The following CYREN variants were observed in gnomAD, a reference collection of about 807,000 sequenced individuals.
CYREN encodes the protein cell cycle regulator of non-homologous end joining.
Under a neutral mutation model 9.7 loss-of-function variants are expected in CYREN, and 7 were observed. The ratio of observed to expected loss-of-function variants is 0.72; its 90% CI spans 0.41 to 1.36. CYREN has a LOEUF of 1.36. CYREN is among the 40% of genes most tolerant of loss of function. CYREN has a pLI of 0.01. For missense variants in CYREN, 215 were observed against 198.1 expected (o/e 1.09, Z -0.51); for synonymous variants, 76 against 77.9 (o/e 0.98, Z 0.13).
chr7:135,132,870 A>G (rs1429950354), intron 2 of CYREN, among the ~76,000 whole-genome samples: 5 of 152,202 alleles, frequency 3.3e-5, no homozygotes, highest in Non-Finnish European at 7.3e-5. Context: ...TGTTTTTATT[A>G]GCAGCGTGAG....
downstream of CYREN, among the ~76,000 whole-genome samples, chr7:135,163,516 G>A (rs995079771): frequency 2.6e-5 from 4 of 151,986 alleles, no homozygotes; most frequent in South Asian, 2.1e-4. Context: ...ATGGTGGCGG[G>A]TGCCTGTAGT....
At chr7:135,104,361 A>G (rs931081673) in intron 2 of CYREN, among the ~76,000 whole-genome samples, 2 of 152,188 alleles carry the variant, frequency 1.3e-5, no homozygotes, top group Admixed American at 6.5e-5. Flanking sequence ...ATTATTCACA[A>G]TAGCAATGAA....
At chr7:135,134,933 T>C (rs892280382) in intron 2 of CYREN, 7 of 1,551,054 alleles carry the variant, frequency 4.5e-6, no homozygotes, top group South Asian at 1.2e-5. Context: ...GGGGATGTTA[T>C]GGCAAACTCT....
chr7:135,105,313 G>A (rs375445891), intron 2 of CYREN, among the ~76,000 whole-genome samples: 266 of 136,776 alleles, frequency 1.9e-3, no homozygotes, highest in African/African-American at 6.6e-3. Flanking sequence ...CAGGTGATCC[G>A]CCTGCCTCGG....
intron 2 of CYREN, among the ~76,000 whole-genome samples, chr7:135,103,846 T>G (rs1215550256): frequency 6.6e-6 from 1 of 152,178 alleles, no homozygotes; most frequent in African/African-American, 2.4e-5. Flanking sequence ...CCATTCCTTG[T>G]GTTGTAATTT....
intron 2 of CYREN, among the ~76,000 whole-genome samples, chr7:135,155,721 C>T (rs538382672): frequency 6.6e-6 from 1 of 152,266 alleles, no homozygotes; most frequent in Non-Finnish European, 1.5e-5. Context: ...CATGGTGGCA[C>T]ATGTCTGTAT....
chr7:135,164,813 T>G (rs747593448), downstream of CYREN: 6 of 1,614,010 alleles, frequency 3.7e-6, no homozygotes, highest in South Asian at 6.6e-5. Flanking sequence ...CTGTGTCCTC[T>G]GTGCTGCTGG....
intron 2 of CYREN, among the ~76,000 whole-genome samples, chr7:135,140,257 C>T (rs779405194): frequency 6.6e-5 from 10 of 151,846 alleles, no homozygotes; most frequent in South Asian, 2.1e-4. Flanking sequence ...CTTTGTAATT[C>T]TCATTGTAGA....
At chr7:135,117,389 T>A (rs1226412443) in intron 2 of CYREN, among the ~76,000 whole-genome samples, 2 of 152,208 alleles carry the variant, frequency 1.3e-5, no homozygotes, top group Non-Finnish European at 2.9e-5. Flanking sequence ...ATGATTACAT[T>A]CAGATGTAAC....
At chr7:135,165,024 A>G (rs1830058073), downstream of CYREN, 1 of 1,541,690 alleles carries the variant, frequency 6.5e-7, no homozygotes, top group Middle Eastern at 1.8e-4. Flanking sequence ...GCAAGGGTTC[A>G]GTTCCAACCA....
At chr7:135,154,134 T>C (rs1201510544) in intron 2 of CYREN, among the ~76,000 whole-genome samples, 1 of 152,246 alleles carries the variant, frequency 6.6e-6, no homozygotes, top group Non-Finnish European at 1.5e-5. Context: ...TTGTTCATAA[T>C]AGTCCTTGAT....
chr7:135,111,305 A>T lies in CYREN; in HGVS notation n.357-16723T>A, dbSNP rs575656698. On this transcript the variant is annotated intron_variant and non_coding_transcript_variant, in intron 2 of 2. Coordinates refer to the CYREN transcript ENST00000459937. ...ACTCACCTTCCTCAAAATATAGCCA[A>T]CATTCATTACCTTCACTTCCTCACT... Among the ~76,000 whole-genome samples the T allele has an allele frequency of 7.2e-5, 11 of 152,274 alleles. No individual in the cohort carries two copies. In the East Asian group the frequency reaches 2.1e-3, roughly 29 times the overall value.
intron 2 of CYREN, among the ~76,000 whole-genome samples, chr7:135,133,454 T>C (rs959256498): frequency 2.0e-5 from 3 of 152,216 alleles, no homozygotes; most frequent in African/African-American, 7.2e-5. Flanking sequence ...TGCCGATGCA[T>C]TAAAATAGCA....
At chr7:135,168,165 G>A (rs901964874) in intron 2 of CYREN, 5 of 264,696 alleles carry the variant, frequency 1.9e-5, no homozygotes, top group African/African-American at 1.1e-4. Flanking sequence ...ACCAGACTTA[G>A]GGAAAGACGG....
chr7:135,101,186 G>T (rs1212632205), intron 2 of CYREN: 1 of 456,202 alleles, frequency 2.2e-6, no homozygotes, highest in Admixed American at 2.3e-5. Context: ...GAACTGATTT[G>T]TATGGAAACT....
chr7:135,166,842 C>T lies in CYREN; in HGVS notation c.243G>A (p.Gln81=). The T allele has an allele frequency of 6.2e-7, 1 of 1,614,060 alleles. No individual in the cohort carries two copies. The highest frequency in any genetic ancestry group is 1.1e-5 in the South Asian group (1 of 91,076). Residue 81 remains glutamine, a synonymous_variant, in exon 4 of 4, where the codon CAG becomes CAA. Transcript: ENST00000393114. ...ESRKQEKACE[Q]PALAGADNPE... is the part of the protein sequence containing the mutation. ...GGTTATCAGCCCCCGCCAGGGCCGGCTGCTCGCAGGCCTTTTCCTGTTTGC... is the reference window on the plus strand; with the variant it reads ...GGTTATCAGCCCCCGCCAGGGCCGGTTGCTCGCAGGCCTTTTCCTGTTTGC...
At chr7:135,110,105 G>A (rs1183421657) in intron 2 of CYREN, among the ~76,000 whole-genome samples, 1 of 152,176 alleles carries the variant, frequency 6.6e-6, no homozygotes, top group Non-Finnish European at 1.5e-5. Flanking sequence ...CCCTCCCTCT[G>A]GGAGCTCTGT....
chr7:135,151,715 C>T lies in CYREN; in HGVS notation n.356+17034G>A, dbSNP rs1421281847. Among the ~76,000 whole-genome samples the T allele has an allele frequency of 2.0e-5, 3 of 152,188 alleles. No homozygotes were observed. The highest frequency in any genetic ancestry group is 3.8e-4 in the East Asian group (2 of 5,196). ...CAGTCTCACAACAGCCCATGAGGAA[C>T]GTGACAACTGATGCATTACAGATGA... On this transcript the variant is annotated intron_variant and non_coding_transcript_variant, in intron 2 of 2. Transcript: ENST00000459937. The surrounding 1 kb of genome is among the most constrained non-coding windows in gnomAD (Gnocchi z 4.3).
At chr7:135,098,426 T>A (rs1487183929) in intron 2 of CYREN, among the ~76,000 whole-genome samples, 1 of 152,220 alleles carries the variant, frequency 6.6e-6, no homozygotes, top group African/African-American at 2.4e-5. Context: ...TAGGGAATGA[T>A]GACAAGGAAA....
Sources: gnomAD v4.1 joint callset for allele counts (sites outside exome capture counted in the v4.1 genomes callset) on GRCh38, gnomAD v4.1.1 for gene constraint, Gnocchi (gnomAD v3.1) non-coding constraint, MANE v1.5 for transcripts, NCBI Gene and HGNC (gene_info 2026-07-23, HGNC 2026-07-21) for gene names.